CASP8: variants seen among roughly 807,000 people sequenced by gnomAD.
CASP8 encodes the protein caspase-8.
CASP8 carries 24 observed loss-of-function variants against 46.3 expected under a neutral mutation model. The ratio of observed to expected loss-of-function variants is 0.52; its 90% CI spans 0.38 to 0.73. CASP8 has a LOEUF of 0.73. CASP8 is among the 30% of genes least tolerant of loss of function. CASP8 has a pLI of 0.00. For synonymous variants in CASP8, 188 were observed against 200.4 expected (o/e 0.94, Z 0.52); for missense variants, 460 against 559.0 (o/e 0.82, Z 1.79).
chr2:201,257,921 T>A (rs1947102998), upstream of CASP8: 1 of 399,754 alleles, frequency 2.5e-6, no homozygotes, highest in Non-Finnish European at 4.7e-6. Flanking sequence ...ATAAAGCATG[T>A]CCAGCGCTCG....
Position 201,266,577 on chromosome 2 carries a change from C to T in CASP8, c.91C>T (p.Pro31Ser), listed in dbSNP as rs1559350009. 7 of 1,614,184 alleles carry T rather than the reference C, an allele frequency of 4.3e-6. No homozygotes were observed. Among genetic ancestry groups the T allele is most frequent in the Non-Finnish European group, 5.9e-6 (7 of 1,180,026 alleles). ...CAAGTTCCTGAGCCTGGACTACATT[C>T]CGCAAAGGAAGCAAGAACCCATCAA... ...SLKFLSLDYI[P>S]QRKQEPIKDA... is the part of the protein sequence containing the mutation. Residue 31 changes from proline to serine, a missense_variant, in exon 2 of 9, where the codon CCG (proline) becomes TCG (serine). Coordinates refer to ENST00000673742, the MANE Select transcript of CASP8 (RefSeq NM_001372051.1). The surrounding 1 kb of genome is among the most constrained non-coding windows in gnomAD (Gnocchi z 5.7).
Position 201,236,794 on chromosome 2 carries a change from T to C in CASP8, c.-27+2682T>C, listed in dbSNP as rs970933806. 4.6e-5 allele frequency among the ~76,000 whole-genome samples: 7 copies of C among 152,314 alleles called. No individual in the cohort carries two copies. The East Asian group carries it at 9.6e-4, about 21-fold the overall frequency. On this transcript the variant is annotated intron_variant, in intron 2 of 6. Transcript: ENST00000264274. ...TTAATTTTTGCATTTTTTGTAGAGA[T>C]GGAGTTTCATCATGTTTCCCAGGCT...
At chr2:201,241,680 C>T (rs1274617579) in intron 2 of CASP8, 1 of 152,128 alleles carries the variant, frequency 6.6e-6, no homozygotes, top group Non-Finnish European at 1.5e-5. Context: ...AAGAAGAGGG[C>T]ACACTTCCAA....
At chr2:201,281,602 T>C (rs530813726) in intron 7 of CASP8, among the ~76,000 whole-genome samples, 1 of 142,528 alleles carries the variant, frequency 7.0e-6, no homozygotes. Flanking sequence ...ATCTTATTAA[T>C]TCATATCTTT....
At chr2:201,256,357 T>C (rs79574709), upstream of CASP8, among the ~76,000 whole-genome samples, 44 of 152,342 alleles carry the variant, frequency 2.9e-4, no homozygotes, top group East Asian at 4.4e-3. Flanking sequence ...ATCCATAAAA[T>C]GGGACCAATC....
Position 201,272,844 on chromosome 2 carries a change from A to G in CASP8, c.551-54A>G. ...AAAATTGAAACTGACAAATCGCTCC[A>G]TATCACAGTTGTTTCTAATCAAATA... On this transcript the variant is annotated intron_variant, in intron 4 of 8. Transcript: ENST00000673742. The surrounding 1 kb of genome is among the most constrained non-coding windows in gnomAD (Gnocchi z 4.4). The G allele has an allele frequency of 6.2e-7, 1 of 1,613,636 alleles. No individual in the cohort carries two copies. Among genetic ancestry groups the G allele is most frequent in the Non-Finnish European group, 8.5e-7 (1 of 1,179,502 alleles).
rs1244829163 is a variant in CASP8 at position 201,286,717 on chromosome 2, G to A, written c.*123G>A. On this transcript the variant is annotated 3_prime_UTR_variant, in exon 9 of 9. Coordinates refer to ENST00000673742, the MANE Select transcript of CASP8 (RefSeq NM_001372051.1). ...CGCAAGCTCCGCCTCCCGGGTTCAG[G>A]CCATTCTCCTGCCTCAGCCTCCCGA... 6 of 749,800 alleles carry A rather than the reference G, an allele frequency of 8.0e-6. No homozygotes were observed. The highest frequency in any genetic ancestry group is 1.3e-5 in the Non-Finnish European group (6 of 445,320). The allele number at this position is 749,800 out of a possible 1,614,324, so 46.4% of individuals were successfully genotyped here. A position where few individuals can be genotyped will look rare whatever the true frequency, so the allele number is the denominator to read the frequency against.
At chr2:201,269,305 A>G (rs371081223) in intron 2 of CASP8, among the ~76,000 whole-genome samples, 3 of 152,232 alleles carry the variant, frequency 2.0e-5, no homozygotes, top group Non-Finnish European at 4.4e-5. Flanking sequence ...TCGCATTCTC[A>G]TATTCCAGAT....
chr2:201,273,005 C>T, intron 5 of CASP8, 63 bp downstream of exon 5: 1 of 1,363,176 alleles, frequency 7.3e-7, no homozygotes, highest in Non-Finnish European at 1.0e-6. Flanking sequence ...TGCATGTGTC[C>T]TCCCCACAGC....
chr2:201,281,296 A>G (rs902759690), intron 7 of CASP8, among the ~76,000 whole-genome samples: 1 of 152,198 alleles, frequency 6.6e-6, no homozygotes, highest in Admixed American at 6.5e-5. Context: ...CCTGGGTGAC[A>G]GAGTGAGACC....
In CASP8 at chr2:201,261,532, T is replaced by C. The variant is rs1947409259; in HGVS notation, c.-27+919T>C. ...GTGAAGTTGCAAGTTTCATTCTGTT[T>C]GAAAATGATGGGATTATATGTTTTG... On this transcript the variant is annotated intron_variant, in intron 1 of 8. Coordinates refer to ENST00000673742, the MANE Select transcript of CASP8 (RefSeq NM_001372051.1). Among the ~76,000 whole-genome samples, 4 of 152,316 alleles carry C rather than the reference T, an allele frequency of 2.6e-5. No individual in the cohort carries two copies. In the South Asian group the frequency reaches 6.2e-4, roughly 24 times the overall value.
upstream of CASP8, among the ~76,000 whole-genome samples, chr2:201,256,805 G>T (rs765488902): frequency 6.6e-6 from 1 of 152,168 alleles, no homozygotes; most frequent in Non-Finnish European, 1.5e-5. Flanking sequence ...TGGTGTTCTG[G>T]TTATAAAATG....
At position 201,240,873 on chromosome 2, in the gene CASP8, G is replaced by C. The variant is rs1258243988; in HGVS notation, c.-27+6761G>C. On this transcript the variant is annotated intron_variant, in intron 2 of 6. Transcript: ENST00000264274. ...ATGAAACTAAAAATCAATGGCAGAAGGAAAAATAGAAAGTTCACAAATATG... is the reference window on the plus strand; with the variant it reads ...ATGAAACTAAAAATCAATGGCAGAACGAAAAATAGAAAGTTCACAAATATG... The C allele has an allele frequency of 2.0e-5, 3 of 151,920 alleles. No individual in the cohort carries two copies. The East Asian group carries it at 5.8e-4, about 29-fold the overall frequency. The allele number at this position is 151,920 out of a possible 1,614,324, so 9.4% of individuals were successfully genotyped here. A position where few individuals can be genotyped will look rare whatever the true frequency, so the allele number is the denominator to read the frequency against.
At chr2:201,252,155 ATG>A (rs1463861208) in intron 2 of CASP8, among the ~76,000 whole-genome samples, 2 of 152,036 alleles carry the variant, frequency 1.3e-5, no homozygotes, top group Non-Finnish European at 2.9e-5. Context: ...CCATCTGTAT[ATG>A]TTTTTGGTGA....
intron 6 of CASP8, among the ~76,000 whole-genome samples, chr2:201,276,420 G>C (rs889752362): frequency 4.6e-5 from 7 of 152,226 alleles, no homozygotes; most frequent in Non-Finnish European, 8.8e-5. Context: ...AAGTCATGGC[G>C]TGGGGGCAGC....
chr2:201,275,917 C>G (rs757787956), intron 6 of CASP8, among the ~76,000 whole-genome samples: 1 of 152,080 alleles, frequency 6.6e-6, no homozygotes, highest in Non-Finnish European at 1.5e-5. Flanking sequence ...ACTTAATATG[C>G]TTAATAAATA....
upstream of CASP8, among the ~76,000 whole-genome samples, chr2:201,257,476 C>G: frequency 9.8e-6 from 1 of 102,552 alleles, no homozygotes; most frequent in South Asian, 4.4e-4. Flanking sequence ...ACCGAGACTC[C>G]GTCTCAAAAA....
intron 8 of CASP8, among the ~76,000 whole-genome samples, chr2:201,285,921 G>C (rs1310088960): frequency 6.6e-6 from 1 of 152,150 alleles, no homozygotes; most frequent in Non-Finnish European, 1.5e-5. Flanking sequence ...ATCTAACTTA[G>C]ATTTCGTAAC....
At chr2:201,245,777 C>T (rs897385910) in intron 2 of CASP8, among the ~76,000 whole-genome samples, 3 of 152,194 alleles carry the variant, frequency 2.0e-5, no homozygotes, top group African/African-American at 7.2e-5. Flanking sequence ...CATGTATCTC[C>T]CTGCTGGGCT....
Sources: gnomAD v4.1 joint callset for allele counts (sites outside exome capture counted in the v4.1 genomes callset) on GRCh38, gnomAD v4.1.1 for gene constraint, Gnocchi (gnomAD v3.1) non-coding constraint, MANE v1.5 for transcripts, NCBI Gene and HGNC (gene_info 2026-07-23, HGNC 2026-07-21) for gene names.